NIPA1: variants seen among roughly 807,000 people sequenced by gnomAD.
The protein encoded by NIPA1 is magnesium transporter NIPA1.
NIPA1 carries 13 observed loss-of-function variants against 23.9 expected under a neutral mutation model. The observed-to-expected ratio is 0.54, with a 90% CI of 0.35 to 0.87. NIPA1 has a LOEUF of 0.87. Ranked by LOEUF, NIPA1 falls within the 40% of genes least tolerant of loss-of-function variation. The probability of loss-of-function intolerance (pLI) is 0.01; values close to 1 mark genes in which losing one functional copy is unlikely to be tolerated. For missense variants in NIPA1, 362 were observed against 429.7 expected, an observed-to-expected ratio of 0.84 and a Z score of 1.39; for synonymous variants, 234 against 202.9, an observed-to-expected ratio of 1.15 and a Z score of -1.30.
intron 1 of NIPA1, among the ~76,000 whole-genome samples, chr15:22,803,500 T>G: frequency 7.3e-6 from 1 of 137,164 alleles, no homozygotes; most frequent in African/African-American, 2.8e-5. Context: ...TTCTTAAAAG[T>G]GCCTTTTTTT....
At chr15:22,820,281 A>T in intron 3 of NIPA1, 32 bp from the exon 4 acceptor site, 1 of 1,514,118 alleles carries the variant, frequency 6.6e-7, no homozygotes, top group Non-Finnish European at 9.2e-7. Flanking sequence ...AGTTTGGTTT[A>T]AACTTTAATG....
intron 1 of NIPA1, among the ~76,000 whole-genome samples, chr15:22,796,970 G>A (rs1210376518): frequency 6.6e-6 from 1 of 151,928 alleles, no homozygotes; most frequent in East Asian, 1.9e-4. Flanking sequence ...GGAAAGTACA[G>A]AAAATGGTGG....
chr15:22,821,912 G>A (rs1895547798), intron 4 of NIPA1, among the ~76,000 whole-genome samples: 1 of 152,188 alleles, frequency 6.6e-6, no homozygotes, highest in South Asian at 2.1e-4. Flanking sequence ...GTAATATAAA[G>A]GAGAAATACC....
rs1040545779 is a variant in NIPA1, at chr15:22,792,157, G to A, written c.178+5323G>A. The stretch of plus-strand genomic sequence containing the variant: ...AAACATTCACAGGATGTGAATGTTT[G>A]TGGAAAGCCCATGGCAACATTAGAA... On this transcript the variant is annotated intron_variant, in intron 1 of 4. Coordinates refer to ENST00000337435, the MANE Select transcript of NIPA1 (RefSeq NM_144599.5). Among the ~76,000 whole-genome samples the A allele has an allele frequency of 3.9e-5, 6 of 152,312 alleles. No individual in the cohort carries two copies. In the South Asian group the frequency reaches 1.0e-3, roughly 26 times the overall value.
intron 1 of NIPA1, among the ~76,000 whole-genome samples, chr15:22,799,539 T>C (rs1177655781): frequency 6.6e-6 from 1 of 151,758 alleles, no homozygotes; most frequent in Non-Finnish European, 1.5e-5. Flanking sequence ...TCCCAGCACT[T>C]TGGGAGGCCA....
chr15:22,807,592 GA>G (rs927003987), intron 1 of NIPA1, among the ~76,000 whole-genome samples: 12 of 143,890 alleles, frequency 8.3e-5, no homozygotes, highest in African/African-American at 2.8e-4. Flanking sequence ...GTCTCAAAAA[GA>G]AAAAAAAAAT....
chr15:22,818,628 C>T (rs6606824), intron 3 of NIPA1, among the ~76,000 whole-genome samples: 97,791 of 151,530 alleles, frequency 0.65, 33,131 homozygotes, highest in South Asian at 0.85. Flanking sequence ...AAACCCCGTC[C>T]TTACTAAAAA....
intron 1 of NIPA1, among the ~76,000 whole-genome samples, chr15:22,806,721 T>G (rs1002483913): frequency 2.0e-5 from 3 of 152,158 alleles, no homozygotes; most frequent in Non-Finnish European, 4.4e-5. Context: ...CCCAGTTGTT[T>G]TAGATATCCT....
At chr15:22,797,843 A>G (rs1232441149) in intron 1 of NIPA1, among the ~76,000 whole-genome samples, 4 of 132,476 alleles carry the variant, frequency 3.0e-5, no homozygotes, top group Non-Finnish European at 6.1e-5. Flanking sequence ...ATATTTCAAA[A>G]CCGATTTTTT....
At chr15:22,801,195 T>C (rs1895069945) in intron 1 of NIPA1, among the ~76,000 whole-genome samples, 1 of 152,172 alleles carries the variant, frequency 6.6e-6, no homozygotes, top group African/African-American at 2.4e-5. Flanking sequence ...TTTGCAAACA[T>C]ATTCAGGGCT....
chr15:22,802,097 A>G (rs997638906), intron 1 of NIPA1, among the ~76,000 whole-genome samples: 1 of 152,062 alleles, frequency 6.6e-6, no homozygotes, highest in Admixed American at 6.6e-5. Context: ...AACTTTTTAA[A>G]TTAAAAAAAT....
chr15:22,798,863 C>T (rs1313321985), intron 1 of NIPA1, among the ~76,000 whole-genome samples: 1 of 123,180 alleles, frequency 8.1e-6, no homozygotes, highest in African/African-American at 3.5e-5. Flanking sequence ...AAAAAAAAAA[C>T]CTCTTTATTG....
In NIPA1 at chr15:22,820,412, C is replaced by T. The variant is rs2140874968; in HGVS notation, c.417C>T (p.His139=). Residue 139 remains histidine, a synonymous_variant, in exon 4 of 5, where the codon CAC becomes CAT. Coordinates refer to ENST00000337435, the MANE Select transcript of NIPA1 (RefSeq NM_144599.5). ...SCAGSVVLII[H]SPKSESVTTQ... ...CAGGCTCCGTCGTGCTGATTATCCACTCCCCAAAGTCTGAGAGTGTGACAA... is the reference window on the plus strand; with the variant it reads ...CAGGCTCCGTCGTGCTGATTATCCATTCCCCAAAGTCTGAGAGTGTGACAA... 4.3e-6 allele frequency: 7 copies of T among 1,612,656 alleles called. No individual in the cohort carries two copies. The highest frequency in any genetic ancestry group is 1.3e-5 in the African/African-American group (1 of 75,020).
intron 3 of NIPA1, among the ~76,000 whole-genome samples, chr15:22,814,941 A>G (rs1024967628): frequency 1.3e-5 from 2 of 152,136 alleles, no homozygotes; most frequent in Admixed American, 6.5e-5. Flanking sequence ...CATTCTGTGC[A>G]TTGTGAGGTG....
rs1284600065 is a variant in NIPA1 at position 22,829,010 on chromosome 15, T to TG, written c.*4772dup. 6.6e-6 allele frequency: 1 copy of TG among 152,394 alleles called. No individual in the cohort carries two copies. Among genetic ancestry groups the TG allele is most frequent in the Non-Finnish European group, 1.5e-5 (1 of 68,042 alleles). The allele number at this position is 152,394 out of a possible 1,614,324, so 9.4% of individuals were successfully genotyped here. A position where few individuals can be genotyped will look rare whatever the true frequency, so the allele number is the denominator to read the frequency against. On this transcript the variant is annotated 3_prime_UTR_variant, in exon 5 of 5. Transcript: ENST00000337435. ...CCATGCTGTAGGACACACAGCCTCATGCGCTGAGAAAGCAAAGGAAGTGCT... is the reference window on the plus strand; with the variant it reads ...CCATGCTGTAGGACACACAGCCTCATGGCGCTGAGAAAGCAAAGGAAGTGCT...
At chr15:22,797,614 C>G (rs1894967450) in intron 1 of NIPA1, among the ~76,000 whole-genome samples, 1 of 150,278 alleles carries the variant, frequency 6.7e-6, no homozygotes, top group Non-Finnish European at 1.5e-5. Flanking sequence ...AGCAGTTCTC[C>G]TGCCTCAGCC....
At position 22,801,482 on chromosome 15, in the gene NIPA1, T is replaced by C. The variant is rs562787553; in HGVS notation, c.179-9267T>C. 1.5e-3 allele frequency among the ~76,000 whole-genome samples: 222 copies of C among 149,118 alleles called. 2 individuals are homozygous for C. Among genetic ancestry groups the C allele is most frequent in the African/African-American group, 5.1e-3 (209 of 40,614 alleles). The stretch of plus-strand genomic sequence containing the variant: ...AGGCAGAGAGGAAGAGGGTGCTCTG[T>C]AGGGGCAGACAACACTTCTAGCGAC... On this transcript the variant is annotated intron_variant, in intron 1 of 4. Coordinates refer to ENST00000337435, the MANE Select transcript of NIPA1 (RefSeq NM_144599.5).
intron 1 of NIPA1, among the ~76,000 whole-genome samples, chr15:22,794,204 C>T (rs942374503): frequency 6.6e-6 from 1 of 152,074 alleles, no homozygotes; most frequent in Non-Finnish European, 1.5e-5. Context: ...AGTCAGTTCT[C>T]ACACATGCTG....
intron 1 of NIPA1, among the ~76,000 whole-genome samples, chr15:22,794,136 T>C (rs1460233126): frequency 1.3e-5 from 2 of 152,064 alleles, no homozygotes; most frequent in East Asian, 1.9e-4. Flanking sequence ...TTGAATCTCG[T>C]AGCATTATCT....
Sources: gnomAD v4.1 joint callset for allele counts (sites outside exome capture counted in the v4.1 genomes callset) on GRCh38, gnomAD v4.1.1 for gene constraint, MANE v1.5 for transcripts, NCBI Gene and HGNC (gene_info 2026-07-23, HGNC 2026-07-21) for gene names.